Variants in CNOT4 observed in about 807,000 individuals in gnomAD.
CNOT4 encodes CCR4-associated factor 4.
Under a neutral mutation model 73.8 loss-of-function variants are expected in CNOT4, and 8 were observed. That is an observed-to-expected ratio of 0.11 (90% CI 0.06 to 0.20). The LOEUF (loss-of-function observed/expected upper bound fraction) is 0.20, where lower values mean the gene tolerates loss of function less well. CNOT4 is among the 10% of genes least tolerant of loss of function. The pLI is 1.00. For missense variants in CNOT4, 564 were observed against 883.4 expected (o/e 0.64, Z 4.58); for synonymous variants, 293 against 321.1 (o/e 0.91, Z 0.94).
chr7:135,392,723 T>C (rs1038175747), intron 10 of CNOT4, among the ~76,000 whole-genome samples: 2 of 152,136 alleles, frequency 1.3e-5, no homozygotes, highest in African/African-American at 2.4e-5. Context: ...GTAAATTAAC[T>C]TCACTGTATC....
chr7:135,420,342 C>T (rs963731388), intron 3 of CNOT4, among the ~76,000 whole-genome samples: 2 of 151,724 alleles, frequency 1.3e-5, no homozygotes, highest in Non-Finnish European at 2.9e-5. Context: ...TTTGGGAGGC[C>T]AAGGCAGGCA....
At chr7:135,427,133 C>T (rs1033526634) in intron 2 of CNOT4, among the ~76,000 whole-genome samples, 1 of 152,040 alleles carries the variant, frequency 6.6e-6, no homozygotes, top group African/African-American at 2.4e-5. Context: ...TTATAAACTG[C>T]CAAATTACTA....
intron 1 of CNOT4, among the ~76,000 whole-genome samples, chr7:135,472,966 G>A (rs944594423): frequency 8.6e-5 from 13 of 151,896 alleles, no homozygotes; most frequent in Non-Finnish European, 2.9e-5. Context: ...GCCTGAATCC[G>A]GGAGGCCGAG....
chr7:135,368,196 CTCT>C (rs1795014069), intron 10 of CNOT4, among the ~76,000 whole-genome samples: 1 of 152,178 alleles, frequency 6.6e-6, no homozygotes, highest in South Asian at 2.1e-4. Context: ...CTCAGAAAAT[CTCT>C]TATTAAAGAA....
intron 1 of CNOT4, among the ~76,000 whole-genome samples, chr7:135,450,297 CAGG>C (rs1391878202): frequency 6.6e-6 from 1 of 151,994 alleles, no homozygotes; most frequent in South Asian, 2.1e-4. Flanking sequence ...GAAAATAATC[CAGG>C]AGGACAGTCA....
intron 10 of CNOT4, among the ~76,000 whole-genome samples, chr7:135,390,640 C>A (rs1355960567): frequency 1.3e-5 from 2 of 152,040 alleles, no homozygotes; most frequent in Admixed American, 6.6e-5. Flanking sequence ...AAGGAAGCTG[C>A]ATTTCTGTCA....
chr7:135,435,623 A>T (rs962346656), intron 2 of CNOT4, among the ~76,000 whole-genome samples: 2 of 151,898 alleles, frequency 1.3e-5, no homozygotes, highest in African/African-American at 2.4e-5. Flanking sequence ...CTGTGTTAGG[A>T]TCTTCTATTT....
chr7:135,481,939 G>A (rs1004520143), intron 1 of CNOT4, among the ~76,000 whole-genome samples: 2 of 152,168 alleles, frequency 1.3e-5, no homozygotes, highest in African/African-American at 4.8e-5. Context: ...GAGGGTGGGT[G>A]GGTGAGAGGG....
intron 8 of CNOT4, among the ~76,000 whole-genome samples, chr7:135,396,202 C>T (rs1362923125): frequency 2.0e-5 from 3 of 147,444 alleles, no homozygotes; most frequent in East Asian, 2.0e-4. Flanking sequence ...ACTGCAACCT[C>T]GGCCTCCGGG....
intron 1 of CNOT4, among the ~76,000 whole-genome samples, chr7:135,463,198 T>C (rs1000974811): frequency 3.9e-5 from 6 of 152,188 alleles, no homozygotes; most frequent in Admixed American, 2.6e-4. Context: ...GCACAAAAAC[T>C]AACTGAAGAT....
chr7:135,423,143 C>G (rs1798282074), intron 2 of CNOT4, among the ~76,000 whole-genome samples: 1 of 152,080 alleles, frequency 6.6e-6, no homozygotes. Context: ...CTACTAAAAA[C>G]AAATAGTTAA....
rs541599478 is a variant in CNOT4, at chr7:135,391,699, A to T, written c.1627+2219T>A. 3.8e-4 allele frequency among the ~76,000 whole-genome samples: 58 copies of T among 152,202 alleles called. 1 individual carries two copies. Among genetic ancestry groups the T allele is most frequent in the African/African-American group, 1.4e-3 (57 of 41,558 alleles). On this transcript the variant is annotated intron_variant, in intron 10 of 11. Coordinates refer to ENST00000541284, the MANE Select transcript of CNOT4 (RefSeq NM_001190850.2). ...GACTAACACAAGGACAACTAAACTC[A>T]CTAATCAGCGATTTCTCATTACCAG...
intron 1 of CNOT4, among the ~76,000 whole-genome samples, chr7:135,502,149 C>A (rs1312497246): frequency 6.6e-6 from 1 of 152,208 alleles, no homozygotes; most frequent in Non-Finnish European, 1.5e-5. Context: ...GAGCCAAATA[C>A]ATTTCTGTCG....
intron 10 of CNOT4, among the ~76,000 whole-genome samples, chr7:135,379,193 G>C (rs1795698936): frequency 6.6e-6 from 1 of 152,126 alleles, no homozygotes; most frequent in South Asian, 2.1e-4. Flanking sequence ...ACCGGAAAGA[G>C]ACTTATAATA....
At chr7:135,405,342 C>T (rs1157052411) in intron 7 of CNOT4, among the ~76,000 whole-genome samples, 1 of 152,162 alleles carries the variant, frequency 6.6e-6, no homozygotes, top group Non-Finnish European at 1.5e-5. Context: ...CAAGTCATAA[C>T]CATTTACACC....
At chr7:135,388,862 G>A in intron 10 of CNOT4, 2 of 1,613,140 alleles carry the variant, frequency 1.2e-6, no homozygotes, top group East Asian at 4.5e-5. Flanking sequence ...GAGGTTGACA[G>A]TGGCATGGTC....
At chr7:135,437,694 T>C (rs75055991) in intron 2 of CNOT4, among the ~76,000 whole-genome samples, 20 of 152,332 alleles carry the variant, frequency 1.3e-4, no homozygotes, top group African/African-American at 4.8e-4. Flanking sequence ...TATTATCTTC[T>C]GAACGAGGAT....
chr7:135,487,368 GT>G (rs1464478061), intron 1 of CNOT4, among the ~76,000 whole-genome samples: 1 of 151,920 alleles, frequency 6.6e-6, no homozygotes, highest in Non-Finnish European at 1.5e-5. Context: ...CTCCCAAGTA[GT>G]GGTGGTGGTA....
chr7:135,490,730 C>A (rs1022744803), intron 1 of CNOT4, among the ~76,000 whole-genome samples: 1 of 152,190 alleles, frequency 6.6e-6, no homozygotes, highest in African/African-American at 2.4e-5. Context: ...CTAGAACAAT[C>A]TCTAATCTTA....
Sources: gnomAD v4.1 joint callset for allele counts (sites outside exome capture counted in the v4.1 genomes callset) on GRCh38, gnomAD v4.1.1 for gene constraint, MANE v1.5 for transcripts, NCBI Gene and HGNC (gene_info 2026-07-23, HGNC 2026-07-21) for gene names.